The following EPHA7 variants were observed in gnomAD, a reference collection of about 807,000 sequenced individuals.
EPHA7 encodes the protein ephrin type-A receptor 7.
Under a neutral mutation model 112.6 loss-of-function variants are expected in EPHA7, and 25 were observed. The ratio of observed to expected loss-of-function variants is 0.22; its 90% CI spans 0.16 to 0.31. The LOEUF (loss-of-function observed/expected upper bound fraction) is 0.31. Ranked by LOEUF, EPHA7 falls within the 10% of genes least tolerant of loss-of-function variation. The pLI is 1.00. For missense variants in EPHA7, 962 were observed against 1,212.6 expected (o/e 0.79, Z 3.07); for synonymous variants, 437 against 406.5 (o/e 1.07, Z -0.90).
At chr6:93,315,984 A>T (rs1773788964) in intron 5 of EPHA7, among the ~76,000 whole-genome samples, 1 of 152,216 alleles carries the variant, frequency 6.6e-6, no homozygotes, top group Non-Finnish European at 1.5e-5. Flanking sequence ...TGTAGAAACT[A>T]AAGTTCCTCT....
chr6:93,380,431 T>C (rs977399720), intron 3 of EPHA7, among the ~76,000 whole-genome samples: 1 of 151,818 alleles, frequency 6.6e-6, no homozygotes, highest in Non-Finnish European at 1.5e-5. Flanking sequence ...GTATAAAGAG[T>C]TGAACAGAAT....
chr6:93,394,265 A>G (rs951242783), intron 3 of EPHA7, among the ~76,000 whole-genome samples: 1 of 151,772 alleles, frequency 6.6e-6, no homozygotes, highest in South Asian at 2.1e-4. Flanking sequence ...TATCTTTTAT[A>G]AACAAAGCTA....
intron 3 of EPHA7, among the ~76,000 whole-genome samples, chr6:93,403,841 A>G (rs1778554616): frequency 6.6e-6 from 1 of 152,146 alleles, no homozygotes; most frequent in South Asian, 2.1e-4. Context: ...CCAGTAACCA[A>G]CATCAGAATT....
At position 93,241,889 on chromosome 6, in the gene EPHA7, T is replaced by C; in HGVS notation, c.*1537A>G. On this transcript the variant is annotated 3_prime_UTR_variant, in exon 17 of 17. Transcript: ENST00000369303. ...ACATTTACAGATTTTGTTTCTGTTATTTGTTTGTTTGTTTGTGGATGCCCA... is the reference window on the plus strand; with the variant it reads ...ACATTTACAGATTTTGTTTCTGTTACTTGTTTGTTTGTTTGTGGATGCCCA... 4.7e-6 allele frequency: 1 copy of C among 214,302 alleles called. No homozygotes were observed. The highest frequency in any genetic ancestry group is 9.4e-6 in the Non-Finnish European group (1 of 106,592). 13.3% of individuals were successfully genotyped at this position (214,302 alleles called of 1,614,324 possible).
intron 5 of EPHA7, among the ~76,000 whole-genome samples, chr6:93,303,261 A>T (rs1773083203): frequency 1.3e-5 from 2 of 152,098 alleles, no homozygotes; most frequent in African/African-American, 4.8e-5. Context: ...CAATATTCAA[A>T]ATACAGCCAG....
chr6:93,271,990 G>A (rs895276725), intron 6 of EPHA7, among the ~76,000 whole-genome samples: 2 of 151,662 alleles, frequency 1.3e-5, no homozygotes, highest in Non-Finnish European at 2.9e-5. Flanking sequence ...TGGGCTGTGT[G>A]GTTTCTGTGG....
intron 14 of EPHA7, among the ~76,000 whole-genome samples, chr6:93,252,336 T>G (rs1391920784): frequency 6.6e-6 from 1 of 152,004 alleles, no homozygotes; most frequent in Non-Finnish European, 1.5e-5. Flanking sequence ...AACTAAATTT[T>G]AATAATGTAG....
At position 93,254,570 on chromosome 6, in the gene EPHA7, G is replaced by A. The variant is rs974811133; in HGVS notation, c.2532+77C>T. On this transcript the variant is annotated intron_variant, in intron 14 of 16. Transcript: ENST00000369303. ...AATTATTTAAAAGTGTTCTTAATGA[G>A]CCTTTACCTACATGTTCCAGTAATA... 3 of 1,203,922 alleles carry A rather than the reference G, an allele frequency of 2.5e-6. No homozygotes were observed. In the East Asian group the frequency reaches 7.3e-5, roughly 29 times the overall value. 74.6% of individuals were successfully genotyped at this position (1,203,922 alleles called of 1,614,324 possible).
At position 93,264,588 on chromosome 6, in the gene EPHA7, T is replaced by G; in HGVS notation, c.1742+6A>C. The G allele has an allele frequency of 6.3e-7, 1 of 1,575,116 alleles. No homozygotes were observed. Among genetic ancestry groups the G allele is most frequent in the Non-Finnish European group, 8.7e-7 (1 of 1,149,122 alleles). ...TGTTAGAGATTAGAACAACTTTGTG[T>G]TCTACCTTCTCCCAATGATGAAGCC... On this transcript the variant is annotated splice_donor_region_variant and intron_variant, in intron 8 of 16. Transcript: ENST00000369303.
At chr6:93,384,566 T>C (rs1038788622) in intron 3 of EPHA7, among the ~76,000 whole-genome samples, 3 of 152,176 alleles carry the variant, frequency 2.0e-5, no homozygotes, top group African/African-American at 4.8e-5. Flanking sequence ...CCTAGCTATC[T>C]GATCATCAAA....
At chr6:93,277,926 C>T (rs1771546198) in intron 5 of EPHA7, among the ~76,000 whole-genome samples, 1 of 151,882 alleles carries the variant, frequency 6.6e-6, no homozygotes, top group East Asian at 1.9e-4. Flanking sequence ...GTCAGGTATA[C>T]ATGTGAGTTA....
intron 5 of EPHA7, among the ~76,000 whole-genome samples, chr6:93,285,307 A>G (rs564519278): frequency 6.6e-6 from 1 of 152,222 alleles, no homozygotes; most frequent in African/African-American, 2.4e-5. Flanking sequence ...ATACCCAAGA[A>G]TCACTGCACT....
In EPHA7 at chr6:93,410,790, T is replaced by G. The variant is rs1270500735; in HGVS notation, c.543A>C (p.Gly181=). ...CTACATCCTGAAAGGCAAGATAGAATCCCTTTTTGGACAAAGGTCCAATCT... is the reference window on the plus strand; with the variant it reads ...CTACATCCTGAAAGGCAAGATAGAAGCCCTTTTTGGACAAAGGTCCAATCT... ...VREIGPLSKK[G]FYLAFQDVGA... is the part of the protein sequence containing the mutation. The change falls in exon 3 of 17, where the codon GGA becomes GGC. Residue 181 remains glycine (G), a synonymous_variant. Transcript: ENST00000369303. The surrounding 1 kb of genome is among the most constrained non-coding windows in gnomAD (Gnocchi z 4.0). 1 of 1,614,078 alleles carries G rather than the reference T, an allele frequency of 6.2e-7. No individual in the cohort carries two copies. The highest frequency in any genetic ancestry group is 1.1e-5 in the South Asian group (1 of 91,086).
At chr6:93,371,578 C>T (rs1388211674) in intron 3 of EPHA7, among the ~76,000 whole-genome samples, 1 of 152,088 alleles carries the variant, frequency 6.6e-6, no homozygotes, top group Non-Finnish European at 1.5e-5. Context: ...ATATTTCAAT[C>T]TGAAAGAATT....
At chr6:93,381,239 A>G (rs915923143) in intron 3 of EPHA7, among the ~76,000 whole-genome samples, 1 of 152,206 alleles carries the variant, frequency 6.6e-6, no homozygotes, top group African/African-American at 2.4e-5. Context: ...ACTTTAGTGC[A>G]ATAAGTTCTC....
Position 93,411,045 on chromosome 6 carries a change from T to C in EPHA7, c.288A>G (p.Gln96=), listed in dbSNP as rs1778951685. ...RTNWISKGNA[Q]RIFVELKFTL... ...TGAATTTCAATTCTACAAAAATCCTTTGTGCATTGCCTTTGGAAATCCAGT... is the reference window on the plus strand; with the variant it reads ...TGAATTTCAATTCTACAAAAATCCTCTGTGCATTGCCTTTGGAAATCCAGT... The change falls in exon 3 of 17, where the codon CAA becomes CAG. Residue 96 remains glutamine (Q), a synonymous_variant. Coordinates refer to ENST00000369303, the MANE Select transcript of EPHA7 (RefSeq NM_004440.4). The C allele has an allele frequency of 2.5e-6, 4 of 1,614,060 alleles. No homozygotes were observed. Among genetic ancestry groups the C allele is most frequent in the Non-Finnish European group, 2.5e-6 (3 of 1,179,982 alleles).
intron 5 of EPHA7, among the ~76,000 whole-genome samples, chr6:93,320,905 A>G (rs553907692): frequency 8.5e-5 from 13 of 152,082 alleles, no homozygotes; most frequent in Non-Finnish European, 1.3e-4. Flanking sequence ...ATTTTGATTC[A>G]TTGAAATATA....
chr6:93,262,199 T>C (rs1211440521), intron 9 of EPHA7, among the ~76,000 whole-genome samples: 1 of 151,434 alleles, frequency 6.6e-6, no homozygotes, highest in Non-Finnish European at 1.5e-5. Flanking sequence ...TGGGGAAGTG[T>C]TAAAAATATT....
intron 2 of EPHA7, among the ~76,000 whole-genome samples, chr6:93,411,534 G>T (rs1021978859): frequency 2.0e-5 from 3 of 152,044 alleles, no homozygotes; most frequent in African/African-American, 7.2e-5. Flanking sequence ...TATACATATG[G>T]ATGCCTGGCA....
Sources: allele counts gnomAD v4.1 joint callset (sites outside exome capture counted in the v4.1 genomes callset), GRCh38; gene constraint gnomAD v4.1.1; non-coding constraint Gnocchi (gnomAD v3.1); transcripts MANE v1.5; gene names NCBI Gene and HGNC (gene_info 2026-07-23, HGNC 2026-07-21).